NRAP: variants seen among roughly 807,000 people sequenced by gnomAD.
The protein encoded by NRAP is nebulin related anchoring protein, also known as nebulin-related-anchoring protein.
A neutral mutation model predicts 225.9 loss-of-function variants in NRAP; 189 were observed. That is an observed-to-expected ratio of 0.84 (90% CI 0.74 to 0.94). The LOEUF is 0.94. Among genes scored for constraint, NRAP ranks in the 40% least tolerant of loss-of-function variants. The pLI, the probability that NRAP is intolerant of heterozygous loss-of-function variation, is 0.00. For synonymous variants in NRAP, 769 were observed against 790.7 expected (o/e 0.97, Z 0.46); for missense variants, 2,176 against 2,168.7 (o/e 1.00, Z -0.07).
intron 13 of NRAP, 105 bp from the exon 14 acceptor site, chr10:113,640,436 T>G: frequency 3.4e-6 from 2 of 596,474 alleles, no homozygotes; most frequent in Non-Finnish European, 2.9e-6. Context: ...AGAAACGAAT[T>G]CAGTTTCATC....
At chr10:113,653,907 T>A in intron 5 of NRAP, 114 bp downstream of exon 5, 1 of 750,844 alleles carries the variant, frequency 1.3e-6, no homozygotes, top group Non-Finnish European at 2.4e-6. Context: ...CATGGGTATC[T>A]TTGGGGATGA....
Position 113,643,000 on chromosome 10 carries a change from G to T in NRAP, c.1149C>A (p.His383Gln). Residue 383 changes from histidine to glutamine, a missense_variant, in exon 12 of 42, where the codon CAC becomes CAA. His to Gln is a conservative substitution (Grantham distance 24). Coordinates refer to ENST00000359988, the MANE Select transcript of NRAP (RefSeq NM_198060.4). ...GAGGTGTTTCACAGTAGTTGATACT[G>T]TGACCTCTACTACTTTCCAGATCCT... ...YKKDLESSRG[H>Q]SINYCETPQF... 1 of 1,602,550 alleles carries T rather than the reference G, an allele frequency of 6.2e-7. No individual in the cohort carries two copies. Among genetic ancestry groups the T allele is most frequent in the Non-Finnish European group, 8.6e-7 (1 of 1,169,450 alleles).
At chr10:113,648,013 C>T (rs1165071056) in intron 9 of NRAP, among the ~76,000 whole-genome samples, 3 of 152,174 alleles carry the variant, frequency 2.0e-5, no homozygotes, top group Non-Finnish European at 4.4e-5. Context: ...CGTGGAAGTC[C>T]CTGAGTCCTC....
In NRAP at chr10:113,660,739, G is replaced by T. The variant is rs144714105; in HGVS notation, c.255+1940C>A. On this transcript the variant is annotated intron_variant, in intron 3 of 41. Coordinates refer to ENST00000359988, the MANE Select transcript of NRAP (RefSeq NM_198060.4). ...CTCATGTTTTATGTGTCAAATCCTC[G>T]CTACACAACTGCAGAAACATATGGA... Among the ~76,000 whole-genome samples, 285 of 152,212 alleles carry T rather than the reference G, an allele frequency of 1.9e-3. 1 individual carries two copies. Among genetic ancestry groups the T allele is most frequent in the Non-Finnish European group, 2.6e-3 (176 of 68,012 alleles).
chr10:113,595,837 A>G, intron 37 of NRAP, 110 bp from the exon 38 acceptor site: 1 of 686,946 alleles, frequency 1.5e-6, no homozygotes, highest in African/African-American at 1.8e-5. Context: ...CCCACCGCAT[A>G]GAACAGAACC....
chr10:113,659,620 G>A (rs573641262), intron 3 of NRAP, among the ~76,000 whole-genome samples: 1 of 152,304 alleles, frequency 6.6e-6, no homozygotes, highest in Non-Finnish European at 1.5e-5. Flanking sequence ...TACCAGTGGG[G>A]TAAGGAAGCA....
At chr10:113,617,378 G>T in intron 26 of NRAP, 77 bp downstream of exon 26, 4 of 920,564 alleles carry the variant, frequency 4.3e-6, no homozygotes, top group Non-Finnish European at 3.6e-6. Context: ...GCAAACCCAA[G>T]AACCCCTCCG....
chr10:113,650,996 A>G (rs1033121560), intron 7 of NRAP, among the ~76,000 whole-genome samples: 1 of 152,234 alleles, frequency 6.6e-6, no homozygotes, highest in Non-Finnish European at 1.5e-5. Context: ...GCTGTGCAAC[A>G]TTTGGATTAT....
chr10:113,606,066 A>C, intron 33 of NRAP, 112 bp downstream of exon 33: 1 of 868,924 alleles, frequency 1.2e-6, no homozygotes, highest in Non-Finnish European at 1.9e-6. Flanking sequence ...TCTAAGCTAC[A>C]CATTTTAAAA....
intron 4 of NRAP, among the ~76,000 whole-genome samples, chr10:113,656,737 G>T (rs1850330154): frequency 6.6e-6 from 1 of 152,150 alleles, no homozygotes; most frequent in Non-Finnish European, 1.5e-5. Context: ...ATAAATGGTA[G>T]CATGTCCAAA....
chr10:113,624,508 A>G (rs1418912177), intron 22 of NRAP, among the ~76,000 whole-genome samples: 1 of 152,186 alleles, frequency 6.6e-6, no homozygotes, highest in Non-Finnish European at 1.5e-5. Flanking sequence ...CATTTGGAGC[A>G]AATGTCTGAG....
At chr10:113,623,669 T>G (rs774564958) in intron 22 of NRAP, 33 bp from the exon 23 acceptor site, 5 of 1,454,936 alleles carry the variant, frequency 3.4e-6, no homozygotes, top group East Asian at 4.5e-5. Flanking sequence ...GTGAGTGGGT[T>G]TTCATGTGAG....
intron 23 of NRAP, 38 bp from the exon 24 acceptor site, chr10:113,622,218 T>C: frequency 7.0e-7 from 1 of 1,427,686 alleles, no homozygotes; most frequent in South Asian, 1.2e-5. Flanking sequence ...CATTAGAACC[T>C]CCTAAAGGAA....
chr10:113,622,031 G>A lies in NRAP; in HGVS notation c.2607C>T (p.Ser869=), dbSNP rs576719037. The A allele has an allele frequency of 6.2e-7, 1 of 1,614,226 alleles. No individual in the cohort carries two copies. Among genetic ancestry groups the A allele is most frequent in the African/African-American group, 1.3e-5 (1 of 75,062 alleles). The change falls in exon 24 of 42, where the codon TCC becomes TCT. Residue 869 remains serine (S), a synonymous_variant. Transcript: ENST00000359988. The part of the protein sequence containing the change: ...EYKKGFEDTK[S]QCHVSLDMVH... ...CCATGTCCAGGGAGACGTGGCATTG[G>A]GATTTGGTGTCCTCGAATCCCTTCT...
At chr10:113,615,944 C>A in intron 26 of NRAP, 128 bp from the exon 27 acceptor site, 1 of 660,540 alleles carries the variant, frequency 1.5e-6, no homozygotes, top group South Asian at 1.7e-5. Flanking sequence ...TTCGGGCACC[C>A]TGCCTCCACC....
rs760397006 is a variant in NRAP at position 113,631,887 on chromosome 10, G to A, written c.1710C>T (p.Ala570=). 9.3e-6 allele frequency: 15 copies of A among 1,612,718 alleles called. No homozygotes were observed. The highest frequency in any genetic ancestry group is 2.7e-5 in the African/African-American group (2 of 74,876). Residue 570 remains alanine (A), a synonymous_variant, in exon 17 of 42, where the codon GCC becomes GCT. Transcript: ENST00000359988. ...TAGCAAGCTCCCCAGAGGCTTTGGCGGCCAGCAGAGACATGGCATCCAGCT... is the reference window on the plus strand; with the variant it reads ...TAGCAAGCTCCCCAGAGGCTTTGGCAGCCAGCAGAGACATGGCATCCAGCT... ...EMKLDAMSLL[A]AKASGELASN...
At chr10:113,589,236 C>T in intron 41 of NRAP, 157 bp from the exon 42 acceptor site, 4 of 616,804 alleles carry the variant, frequency 6.5e-6, no homozygotes, top group Non-Finnish European at 1.1e-5. Context: ...AGAAAAAGGG[C>T]CTTCAAGGCA....
chr10:113,624,999 G>T lies in NRAP; in HGVS notation c.2245-69C>A. 3 of 903,198 alleles carry T rather than the reference G, an allele frequency of 3.3e-6. No individual in the cohort carries two copies. In the South Asian group the frequency reaches 4.1e-5, roughly 12 times the overall value. The allele number at this position is 903,198 out of a possible 1,614,324, so 55.9% of individuals were successfully genotyped here. On this transcript the variant is annotated intron_variant, in intron 21 of 41. Coordinates refer to ENST00000359988, the MANE Select transcript of NRAP (RefSeq NM_198060.4). ...AGGTGGGCAGGGTGGCATCCCTCAT[G>T]GTGTCTCTGTCTGGTTGGCACTTCT... is the stretch of plus-strand genomic sequence containing the variant.
chr10:113,655,453 T>TTC (rs1554870759), intron 4 of NRAP, among the ~76,000 whole-genome samples: 1,611 of 14,692 alleles, frequency 0.11, 44 homozygotes, highest in East Asian at 0.25. Context: ...TGTACATCCA[T>TTC]TTTTTTTTTT....
Sources: gnomAD v4.1 joint callset for allele counts (sites outside exome capture counted in the v4.1 genomes callset) on GRCh38, gnomAD v4.1.1 for gene constraint, MANE v1.5 for transcripts, NCBI Gene and HGNC (gene_info 2026-07-23, HGNC 2026-07-21) for gene names.